The following TYW1B variants were observed in gnomAD, a reference collection of about 807,000 sequenced individuals.
The protein encoded by TYW1B is S-adenosyl-L-methionine-dependent tRNA 4-demethylwyosine synthase TYW1B.
TYW1B carries 73 observed loss-of-function variants against 86.9 expected under a neutral mutation model. The observed-to-expected ratio is 0.84, with a 90% CI of 0.70 to 1.02. The LOEUF (loss-of-function observed/expected upper bound fraction) is 1.02, where lower values mean the gene tolerates loss of function less well. TYW1B is among the 50% of genes least tolerant of loss of function. The pLI is 0.00. For synonymous variants in TYW1B, 248 were observed against 292.8 expected (o/e 0.85, Z 1.56); for missense variants, 637 against 827.4 (o/e 0.77, Z 2.82).
chr7:72,640,113 G>T (rs1192673552), intron 11 of TYW1B, among the ~76,000 whole-genome samples: 5 of 151,624 alleles, frequency 3.3e-5, no homozygotes, highest in Non-Finnish European at 7.4e-5. Context: ...AAAACCAACA[G>T]AATGGAAAAC....
chr7:72,747,012 G>C (rs782486847), intron 7 of TYW1B, among the ~76,000 whole-genome samples: 2 of 152,186 alleles, frequency 1.3e-5, no homozygotes, highest in Non-Finnish European at 2.9e-5. Context: ...GGGAGGAGCA[G>C]TATTTGGGTC....
chr7:72,709,626 C>A (rs373399706), intron 10 of TYW1B, among the ~76,000 whole-genome samples: 156 of 152,244 alleles, frequency 1.0e-3, no homozygotes, highest in African/African-American at 3.6e-3. Flanking sequence ...CGAGATGGCG[C>A]CATTGCACTC....
chr7:72,629,817 G>A (rs147121022), intron 11 of TYW1B, among the ~76,000 whole-genome samples: 1,904 of 151,908 alleles, frequency 0.013, 42 homozygotes, highest in African/African-American at 0.041. Context: ...CGAAGGGCTG[G>A]GATTATAGGC....
chr7:72,759,735 A>AAG (rs1290279935), intron 7 of TYW1B, among the ~76,000 whole-genome samples: 1 of 152,186 alleles, frequency 6.6e-6, no homozygotes, highest in African/African-American at 2.4e-5. Context: ...TATTCTTAAA[A>AAG]AGAGAGAGAG....
chr7:72,643,174 A>G (rs1812842760), intron 11 of TYW1B, among the ~76,000 whole-genome samples: 1 of 152,200 alleles, frequency 6.6e-6, no homozygotes, highest in Non-Finnish European at 1.5e-5. Context: ...TAATATAAAT[A>G]TAAGAAAAAA....
intron 11 of TYW1B, among the ~76,000 whole-genome samples, chr7:72,635,535 C>T (rs1353150407): frequency 5.3e-5 from 8 of 152,186 alleles, no homozygotes; most frequent in Non-Finnish European, 2.9e-5. Context: ...CTGAAAAGAA[C>T]TATCCAGTCT....
At chr7:72,772,689 A>G (rs1554469877) in intron 7 of TYW1B, among the ~76,000 whole-genome samples, 2 of 152,142 alleles carry the variant, frequency 1.3e-5, no homozygotes, top group African/African-American at 4.8e-5. Context: ...AGCATTCAAT[A>G]CCGTTTCTCA....
At chr7:72,828,006 G>A (rs1177032361) in intron 1 of TYW1B, 66 bp downstream of exon 1, 2 of 1,605,682 alleles carry the variant, frequency 1.2e-6, no homozygotes, top group Non-Finnish European at 8.5e-7. Flanking sequence ...TCCGCCCGGA[G>A]AGGGTCTCAG....
intron 6 of TYW1B, among the ~76,000 whole-genome samples, chr7:72,789,812 C>A (rs1463109226): frequency 2.0e-5 from 3 of 151,230 alleles, no homozygotes; most frequent in African/African-American, 7.3e-5. Context: ...ACAAAAGAAA[C>A]CAAATAATCC....
chr7:72,597,392 G>A (rs1407609002), intron 13 of TYW1B, among the ~76,000 whole-genome samples: 1 of 152,126 alleles, frequency 6.6e-6, no homozygotes, highest in East Asian at 1.9e-4. Flanking sequence ...AATATTATGA[G>A]CAACGTAATC....
intron 13 of TYW1B, among the ~76,000 whole-genome samples, chr7:72,584,745 C>T (rs534461594): frequency 4.7e-4 from 72 of 152,228 alleles, no homozygotes; most frequent in African/African-American, 1.6e-3. Context: ...CATGAGCCAC[C>T]GCACCCGGCC....
chr7:72,781,836 A>G (rs1467317349), intron 6 of TYW1B, among the ~76,000 whole-genome samples: 1 of 152,224 alleles, frequency 6.6e-6, no homozygotes, highest in African/African-American at 2.4e-5. Flanking sequence ...TGCAAACAGG[A>G]AAGTCAATTA....
At chr7:72,664,079 C>T (rs1813402276) in intron 11 of TYW1B, among the ~76,000 whole-genome samples, 1 of 152,034 alleles carries the variant, frequency 6.6e-6, no homozygotes, top group Non-Finnish European at 1.5e-5. Flanking sequence ...CAACCCTCCC[C>T]TCAAAGCACC....
chr7:72,638,719 G>A (rs1438725739), intron 11 of TYW1B, among the ~76,000 whole-genome samples: 1 of 152,160 alleles, frequency 6.6e-6, no homozygotes, highest in Non-Finnish European at 1.5e-5. Context: ...GAAATAAAAC[G>A]GTCTTTGTTT....
At chr7:72,635,295 T>C (rs1422569471) in intron 11 of TYW1B, among the ~76,000 whole-genome samples, 3 of 152,244 alleles carry the variant, frequency 2.0e-5, no homozygotes, top group Non-Finnish European at 4.4e-5. Context: ...TTGTTTCTCA[T>C]TGTCTCAATA....
chr7:72,699,471 C>A (rs1180618784), intron 10 of TYW1B, among the ~76,000 whole-genome samples: 1 of 152,150 alleles, frequency 6.6e-6, no homozygotes, highest in African/African-American at 2.4e-5. Context: ...CAGCACAGTG[C>A]ACCGTTCTGC....
intron 12 of TYW1B, among the ~76,000 whole-genome samples, chr7:72,624,569 G>C (rs1221160707): frequency 6.6e-6 from 1 of 152,162 alleles, no homozygotes. Flanking sequence ...ATCCAAGGAA[G>C]AATCTCATTA....
chr7:72,718,498 C>A (rs1786833442), intron 9 of TYW1B, among the ~76,000 whole-genome samples: 1 of 151,856 alleles, frequency 6.6e-6, no homozygotes, highest in African/African-American at 2.4e-5. Context: ...GCAAGTAAAT[C>A]CCCAAGAGAT....
At chr7:72,733,987 G>A (rs13236513) in intron 8 of TYW1B, among the ~76,000 whole-genome samples, 2,607 of 152,080 alleles carry the variant, frequency 0.017, 39 homozygotes, top group Non-Finnish European at 0.028. Context: ...AGCCAGATGC[G>A]GTGGCTCACA....
Sources: allele counts gnomAD v4.1 joint callset (sites outside exome capture counted in the v4.1 genomes callset), GRCh38; gene constraint gnomAD v4.1.1; transcripts MANE v1.5; gene names NCBI Gene and HGNC (gene_info 2026-07-23, HGNC 2026-07-21).